The following AFG1L variants were observed in gnomAD, a reference collection of about 807,000 sequenced individuals.
AFG1L encodes the protein AFG1-like ATPase.
In AFG1L, 53 loss-of-function variants were observed where a neutral mutation model predicts 62.2. That is an observed-to-expected ratio of 0.85 (90% CI 0.68 to 1.07). The LOEUF is 1.07. Ranked by LOEUF, AFG1L falls within the 50% of genes least tolerant of loss-of-function variation. AFG1L has a pLI of 0.00. For synonymous variants in AFG1L, 228 were observed against 210.3 expected, an observed-to-expected ratio of 1.08 and a Z score of -0.73; for missense variants, 555 against 590.5, an observed-to-expected ratio of 0.94 and a Z score of 0.62.
intron 7 of AFG1L, among the ~76,000 whole-genome samples, chr6:108,427,096 T>A (rs1303128111): frequency 3.3e-5 from 5 of 152,270 alleles, no homozygotes; most frequent in Admixed American, 6.5e-5. Flanking sequence ...TTTAATTTTT[T>A]AATTTTTATT....
chr6:108,448,106 T>G (rs1771891413), intron 8 of AFG1L, among the ~76,000 whole-genome samples: 1 of 152,202 alleles, frequency 6.6e-6, no homozygotes, highest in Non-Finnish European at 1.5e-5. Context: ...ACTTTACTGT[T>G]TTTGAAGCAG....
chr6:108,446,783 C>T (rs865863987), intron 7 of AFG1L, among the ~76,000 whole-genome samples: 3 of 152,080 alleles, frequency 2.0e-5, no homozygotes, highest in Admixed American at 1.3e-4. Context: ...GAATTACAGG[C>T]GTGAACCACC....
intron 2 of AFG1L, among the ~76,000 whole-genome samples, chr6:108,334,371 C>A (rs1778394867): frequency 6.6e-6 from 1 of 151,490 alleles, no homozygotes; most frequent in South Asian, 2.1e-4. Context: ...ATTTTAGAGT[C>A]TACTAGTTCA....
At chr6:108,510,445 CACTT>C in intron 11 of AFG1L, 93 bp downstream of exon 11, 1 of 880,870 alleles carries the variant, frequency 1.1e-6, no homozygotes, top group Non-Finnish European at 1.7e-6. Flanking sequence ...ATACTTCTAT[CACTT>C]ACTGCACCTC....
intron 11 of AFG1L, among the ~76,000 whole-genome samples, chr6:108,512,185 G>A (rs537217561): frequency 9.2e-5 from 14 of 152,294 alleles, no homozygotes; most frequent in South Asian, 2.1e-4. Flanking sequence ...TCTTATAAAT[G>A]CTGAGAAGAG....
chr6:108,464,920 T>C (rs1582625483), intron 8 of AFG1L, among the ~76,000 whole-genome samples: 1 of 152,250 alleles, frequency 6.6e-6, no homozygotes. Context: ...GCCTACTTTA[T>C]AGTAGCATCC....
At chr6:108,390,533 A>G (rs1171056381) in intron 6 of AFG1L, among the ~76,000 whole-genome samples, 1 of 152,140 alleles carries the variant, frequency 6.6e-6, no homozygotes, top group Non-Finnish European at 1.5e-5. Context: ...GGTGACTTAC[A>G]GATGGCGTTT....
intron 10 of AFG1L, among the ~76,000 whole-genome samples, chr6:108,505,384 G>A (rs960457864): frequency 4.6e-5 from 7 of 152,104 alleles, no homozygotes; most frequent in African/African-American, 7.2e-5. Context: ...GAACCACTGC[G>A]CCCAGCCAGA....
At chr6:108,450,695 A>T (rs1772016044) in intron 8 of AFG1L, among the ~76,000 whole-genome samples, 1 of 152,066 alleles carries the variant, frequency 6.6e-6, no homozygotes, top group Admixed American at 6.5e-5. Flanking sequence ...CCTGAATGGT[A>T]TTGCCTAGGT....
chr6:108,303,416 T>G (rs1332998275), intron 1 of AFG1L, among the ~76,000 whole-genome samples: 1 of 152,134 alleles, frequency 6.6e-6, no homozygotes. Flanking sequence ...GTGTGTTAGC[T>G]CTATCTTCTC....
intron 1 of AFG1L, among the ~76,000 whole-genome samples, chr6:108,314,479 C>G (rs1261349889): frequency 6.6e-6 from 1 of 151,494 alleles, no homozygotes; most frequent in East Asian, 2.0e-4. Context: ...TCACTGCAAC[C>G]TCCACCTCCC....
chr6:108,312,141 AGGCGT>A lies in AFG1L; in HGVS notation c.140-11682_140-11678del, dbSNP rs1777436777. The stretch of plus-strand genomic sequence containing the variant: ...TGGCCTCCCAAAGTGTTGGGATTAC[AGGCGT>A]GAGCCATCGTGCCCGGCCTAAAATA... On this transcript the variant is annotated intron_variant, in intron 1 of 12. Transcript: ENST00000368977. 2.6e-5 allele frequency among the ~76,000 whole-genome samples: 4 copies of A among 152,246 alleles called. No individual in the cohort carries two copies. In the South Asian group the frequency reaches 8.3e-4, roughly 31 times the overall value.
intron 8 of AFG1L, among the ~76,000 whole-genome samples, chr6:108,473,524 G>A (rs976744959): frequency 1.3e-5 from 2 of 152,066 alleles, no homozygotes; most frequent in South Asian, 2.1e-4. Context: ...CTCTCTTTTC[G>A]CTATGTTCCT....
intron 2 of AFG1L, 119 bp from the exon 3 acceptor site, chr6:108,346,865 TCTTA>T (rs1778881952): frequency 2.9e-6 from 2 of 696,394 alleles, no homozygotes; most frequent in Admixed American, 2.8e-5. Flanking sequence ...CAAGTTTTTT[TCTTA>T]CTTATTGTAT....
chr6:108,499,650 C>A (rs1298383269), intron 10 of AFG1L, among the ~76,000 whole-genome samples: 2 of 150,558 alleles, frequency 1.3e-5, no homozygotes, highest in East Asian at 4.0e-4. Context: ...TACTCAGGAG[C>A]TAAGGTGGGA....
chr6:108,347,061 T>C, intron 3 of AFG1L, 22 bp downstream of exon 3: 4 of 1,605,140 alleles, frequency 2.5e-6, no homozygotes, highest in Non-Finnish European at 2.6e-6. Flanking sequence ...AAAATAAGTT[T>C]TGGGTGGGCA....
intron 7 of AFG1L, among the ~76,000 whole-genome samples, chr6:108,440,496 A>G (rs1311424268): frequency 2.0e-5 from 3 of 152,128 alleles, no homozygotes; most frequent in African/African-American, 7.2e-5. Flanking sequence ...TTAAAGAATC[A>G]AGTAAAATGA....
chr6:108,466,805 A>G (rs1772691378), intron 8 of AFG1L, among the ~76,000 whole-genome samples: 1 of 149,906 alleles, frequency 6.7e-6, no homozygotes, highest in Non-Finnish European at 1.5e-5. Flanking sequence ...CTATATATAT[A>G]TATGTTGTTT....
chr6:108,348,233 C>T (rs1291375584), intron 3 of AFG1L, among the ~76,000 whole-genome samples: 1 of 152,192 alleles, frequency 6.6e-6, no homozygotes, highest in East Asian at 1.9e-4. Context: ...TGTCTGCCAC[C>T]ATGCCCGGCT....
Sources: gnomAD v4.1 joint callset for allele counts (sites outside exome capture counted in the v4.1 genomes callset) on GRCh38, gnomAD v4.1.1 for gene constraint, MANE v1.5 for transcripts, NCBI Gene and HGNC (gene_info 2026-07-23, HGNC 2026-07-21) for gene names.